The following CADPS2 variants were observed in gnomAD, a reference collection of about 807,000 sequenced individuals.
CADPS2 encodes the protein calcium dependent secretion activator 2, also known as calcium-dependent secretion activator 2.
CADPS2 carries 93 observed loss-of-function variants against 172.5 expected under a neutral mutation model. The observed-to-expected ratio is 0.54, with a 90% CI of 0.46 to 0.64. CADPS2 has a LOEUF of 0.64. Among genes scored for constraint, CADPS2 ranks in the 30% least tolerant of loss-of-function variants. The pLI is 0.00. For synonymous variants in CADPS2, 546 were observed against 555.2 expected, an observed-to-expected ratio of 0.98 and a Z score of 0.23; for missense variants, 1,420 against 1,565.9, an observed-to-expected ratio of 0.91 and a Z score of 1.57.
intron 1 of CADPS2, among the ~76,000 whole-genome samples, chr7:122,818,978 T>C (rs954895863): frequency 1.3e-5 from 2 of 152,164 alleles, no homozygotes; most frequent in Non-Finnish European, 2.9e-5. Flanking sequence ...CGACATTAAA[T>C]AAAACTCCAA....
chr7:122,767,781 T>A (rs1448770065), intron 1 of CADPS2, among the ~76,000 whole-genome samples: 1 of 152,130 alleles, frequency 6.6e-6, no homozygotes, highest in African/African-American at 2.4e-5. Flanking sequence ...ACTCCCAGAT[T>A]TTCAGTCATG....
chr7:122,742,813 C>T (rs1416461693), intron 1 of CADPS2, among the ~76,000 whole-genome samples: 1 of 152,116 alleles, frequency 6.6e-6, no homozygotes, highest in Non-Finnish European at 1.5e-5. Context: ...GACTAGAGAG[C>T]TCTCTTAGCT....
chr7:122,644,851 C>T (rs939247656), intron 3 of CADPS2, among the ~76,000 whole-genome samples: 1 of 152,038 alleles, frequency 6.6e-6, no homozygotes, highest in Non-Finnish European at 1.5e-5. Flanking sequence ...ATTCTGTCTG[C>T]CAGATACAAA....
At chr7:122,474,177 C>T (rs920145621) in intron 13 of CADPS2, among the ~76,000 whole-genome samples, 2 of 152,136 alleles carry the variant, frequency 1.3e-5, no homozygotes, top group Non-Finnish European at 2.9e-5. Context: ...CAGCAGTGGT[C>T]TTCAAGTGTA....
At chr7:122,670,841 G>A (rs1162346849) in intron 2 of CADPS2, among the ~76,000 whole-genome samples, 4 of 146,580 alleles carry the variant, frequency 2.7e-5, no homozygotes, top group African/African-American at 7.6e-5. Flanking sequence ...CTATGATCTC[G>A]CTACTGCACA....
intron 22 of CADPS2, among the ~76,000 whole-genome samples, chr7:122,392,682 A>T (rs1389437738): frequency 2.0e-5 from 3 of 152,128 alleles, no homozygotes; most frequent in Non-Finnish European, 4.4e-5. Flanking sequence ...ACAAAAGAAG[A>T]ACTTCCTGGT....
At chr7:122,434,259 A>T (rs977663260) in intron 17 of CADPS2, among the ~76,000 whole-genome samples, 8 of 152,094 alleles carry the variant, frequency 5.3e-5, no homozygotes, top group Non-Finnish European at 8.8e-5. Flanking sequence ...CAATCATTGT[A>T]GGTGTGTTCT....
At chr7:122,688,974 T>C (rs945693720) in intron 2 of CADPS2, among the ~76,000 whole-genome samples, 2 of 152,134 alleles carry the variant, frequency 1.3e-5, no homozygotes, top group African/African-American at 4.8e-5. Context: ...ATAGGTTTGA[T>C]ATATAGGCTT....
chr7:122,846,288 A>C (rs1447533914), intron 1 of CADPS2, among the ~76,000 whole-genome samples: 1 of 152,242 alleles, frequency 6.6e-6, no homozygotes, highest in Non-Finnish European at 1.5e-5. Context: ...AAATAGCTGT[A>C]AAGATTGTAC....
At chr7:122,565,044 G>A (rs930489207) in intron 7 of CADPS2, among the ~76,000 whole-genome samples, 13 of 152,042 alleles carry the variant, frequency 8.6e-5, no homozygotes, top group African/African-American at 3.1e-4. Context: ...ATATGGAGAG[G>A]AAGGGAATAA....
At chr7:122,673,571 C>T (rs1158537465) in intron 2 of CADPS2, among the ~76,000 whole-genome samples, 1 of 152,012 alleles carries the variant, frequency 6.6e-6, no homozygotes, top group Middle Eastern at 3.2e-3. Context: ...ATTTACAATC[C>T]TCCAGCTAGA....
chr7:122,575,664 T>C (rs2067934489), intron 7 of CADPS2, among the ~76,000 whole-genome samples: 1 of 152,122 alleles, frequency 6.6e-6, no homozygotes, highest in Non-Finnish European at 1.5e-5. Flanking sequence ...CTCAAACTCC[T>C]GACCTCAGGT....
intron 1 of CADPS2, among the ~76,000 whole-genome samples, chr7:122,848,514 T>C (rs1454159515): frequency 1.3e-5 from 2 of 152,164 alleles, no homozygotes; most frequent in African/African-American, 4.8e-5. Flanking sequence ...CAAGATCAGA[T>C]GCTATCAGTA....
intron 3 of CADPS2, among the ~76,000 whole-genome samples, chr7:122,660,573 C>T (rs182976456): frequency 3.9e-4 from 59 of 150,684 alleles, no homozygotes; most frequent in African/African-American, 1.4e-3. Flanking sequence ...CCTAAACATA[C>T]CCATTAAAAG....
At chr7:122,795,614 CAT>C (rs1796201466) in intron 1 of CADPS2, among the ~76,000 whole-genome samples, 1 of 152,166 alleles carries the variant, frequency 6.6e-6, no homozygotes, top group South Asian at 2.1e-4. Flanking sequence ...ACAAAAACCA[CAT>C]GAGAATCTCA....
chr7:122,565,163 C>G (rs1238717607), intron 7 of CADPS2, among the ~76,000 whole-genome samples: 1 of 151,704 alleles, frequency 6.6e-6, no homozygotes, highest in Admixed American at 6.6e-5. Context: ...ACTAAAAGCC[C>G]AGACTTCACC....
chr7:122,792,609 C>T lies in CADPS2; in HGVS notation c.340-55541G>A, dbSNP rs549792226. On this transcript the variant is annotated intron_variant, in intron 1 of 29. Coordinates refer to ENST00000449022, the MANE Select transcript of CADPS2 (RefSeq NM_017954.11). ...AATGCAACAGACTTTAGAGATACAC[C>T]TATAAGATTAACAAACTTATTTAGT... Among the ~76,000 whole-genome samples, 9 of 152,226 alleles carry T rather than the reference C, an allele frequency of 5.9e-5. No homozygotes were observed. In the East Asian group the frequency reaches 1.5e-3, roughly 26 times the overall value.
At chr7:122,768,311 C>T (rs1204112760) in intron 1 of CADPS2, among the ~76,000 whole-genome samples, 2 of 151,998 alleles carry the variant, frequency 1.3e-5, no homozygotes, top group Non-Finnish European at 2.9e-5. Context: ...TTTAGTTACC[C>T]ACATCAGAAA....
intron 14 of CADPS2, among the ~76,000 whole-genome samples, chr7:122,452,915 T>C (rs759354710): frequency 6.6e-6 from 1 of 152,192 alleles, no homozygotes; most frequent in African/African-American, 2.4e-5. Context: ...ATATGTTTGA[T>C]GCTTGTTAAC....
Sources: allele counts gnomAD v4.1 joint callset (sites outside exome capture counted in the v4.1 genomes callset), GRCh38; gene constraint gnomAD v4.1.1; transcripts MANE v1.5; gene names NCBI Gene and HGNC (gene_info 2026-07-23, HGNC 2026-07-21).